SDCCAG8: variants seen among roughly 807,000 people sequenced by gnomAD.
SDCCAG8 encodes the protein SHH signaling and ciliogenesis regulator SDCCAG8.
Under a neutral mutation model 101.8 loss-of-function variants are expected in SDCCAG8, and 74 were observed. The ratio of observed to expected loss-of-function variants is 0.73; its 90% CI spans 0.60 to 0.88. The LOEUF is 0.88. Among genes scored for constraint, SDCCAG8 ranks in the 40% least tolerant of loss-of-function variants. The pLI, the probability that SDCCAG8 is intolerant of heterozygous loss-of-function variation, is 0.00. For missense variants in SDCCAG8, 787 were observed against 822.6 expected (o/e 0.96, Z 0.53); for synonymous variants, 281 against 292.9 (o/e 0.96, Z 0.41).
intron 15 of SDCCAG8, 127 bp downstream of exon 15, chr1:243,418,203 T>C: frequency 1.4e-6 from 1 of 696,518 alleles, no homozygotes; most frequent in Non-Finnish European, 2.5e-6. Context: ...GATGTTTTCT[T>C]TGAAAATATT....
At chr1:243,426,144 G>A (rs2081324777) in intron 15 of SDCCAG8, among the ~76,000 whole-genome samples, 1 of 152,154 alleles carries the variant, frequency 6.6e-6, no homozygotes, top group Admixed American at 6.6e-5. Context: ...TTAAATGAAT[G>A]ACAGTCTTTT....
At chr1:243,334,285 A>G (rs567908395) in intron 10 of SDCCAG8, among the ~76,000 whole-genome samples, 1 of 152,164 alleles carries the variant, frequency 6.6e-6, no homozygotes, top group East Asian at 1.9e-4. Context: ...ATCTTTCTCA[A>G]TATGTCAGTC....
intron 1 of SDCCAG8, among the ~76,000 whole-genome samples, chr1:243,262,387 T>G (rs7535162): frequency 0.29 from 43,685 of 151,842 alleles, 6,577 homozygotes; most frequent in South Asian, 0.52. Flanking sequence ...ATTACAGGCA[T>G]GAGCCATTGT....
Position 243,414,075 on chromosome 1 carries a change from C to T in SDCCAG8, c.1617-1627C>T, listed in dbSNP as rs563150930. Among the ~76,000 whole-genome samples, 626 of 152,198 alleles carry T rather than the reference C, an allele frequency of 4.1e-3. 1 individual carries two copies. The highest frequency in any genetic ancestry group is 0.013 in the African/African-American group (528 of 41,518). On this transcript the variant is annotated intron_variant, in intron 13 of 17. Transcript: ENST00000366541. ...GGTATAGAGAGATAAAGATGACAAACGAAGCAGACATGTTAAACAATAACT... is the reference window on the plus strand; with the variant it reads ...GGTATAGAGAGATAAAGATGACAAATGAAGCAGACATGTTAAACAATAACT...
At chr1:243,331,102 C>G (rs1037435957) in intron 10 of SDCCAG8, among the ~76,000 whole-genome samples, 48 of 152,294 alleles carry the variant, frequency 3.2e-4, no homozygotes, top group African/African-American at 1.2e-3. Flanking sequence ...AGATGAAACA[C>G]TTGTAAGGAA....
chr1:243,295,697 C>A (rs2070803599), intron 6 of SDCCAG8, among the ~76,000 whole-genome samples: 1 of 152,176 alleles, frequency 6.6e-6, no homozygotes, highest in East Asian at 1.9e-4. Context: ...TTACCCTCTA[C>A]CTATTGAAAT....
rs1164276785 is a variant in SDCCAG8 at position 243,474,972 on chromosome 1, G to A, written c.1986-14042G>A. 6.6e-6 allele frequency among the ~76,000 whole-genome samples: 1 copy of A among 152,192 alleles called. No homozygotes were observed. The highest frequency in any genetic ancestry group is 6.5e-5 in the Admixed American group (1 of 15,288). Reference sequence around the variant, plus strand: ...TCTCTAGGGATGACTTAGTAATAGGGTACCCCATTGCCATGTGGGTCAGGG... The same window carrying A: ...TCTCTAGGGATGACTTAGTAATAGGATACCCCATTGCCATGTGGGTCAGGG... On this transcript the variant is annotated intron_variant, in intron 16 of 17. Coordinates refer to ENST00000366541, the MANE Select transcript of SDCCAG8 (RefSeq NM_006642.5). The surrounding 1 kb of genome is among the most constrained non-coding windows in gnomAD (Gnocchi z 4.7).
chr1:243,358,500 A>C (rs912337360), intron 12 of SDCCAG8, among the ~76,000 whole-genome samples: 4 of 152,198 alleles, frequency 2.6e-5, no homozygotes, highest in African/African-American at 9.7e-5. Context: ...GAACTCCCCC[A>C]TAAGTTGCTG....
intron 16 of SDCCAG8, among the ~76,000 whole-genome samples, chr1:243,481,459 G>A (rs1271195543): frequency 6.6e-6 from 1 of 152,132 alleles, no homozygotes; most frequent in Non-Finnish European, 1.5e-5. Flanking sequence ...TTGTTATGAG[G>A]ATTAAATTAG....
chr1:243,469,707 C>G (rs1024490196), intron 16 of SDCCAG8, among the ~76,000 whole-genome samples: 1 of 152,006 alleles, frequency 6.6e-6, no homozygotes, highest in African/African-American at 2.4e-5. Context: ...TGGGCATATT[C>G]ATGAGGTAAT....
In SDCCAG8 at chr1:243,423,961, C is replaced by T. The variant is rs115121948; in HGVS notation, c.1854-2466C>T. Among the ~76,000 whole-genome samples the T allele has an allele frequency of 5.1e-3, 783 of 152,094 alleles. 5 individuals are homozygous for T. The highest frequency in any genetic ancestry group is 6.5e-3 in the Non-Finnish European group (443 of 67,914). ...AGGATGGATTTCACTGTTTGTTATA[C>T]GGTGGCATGCAGTAAATATTTGGTG... On this transcript the variant is annotated intron_variant, in intron 15 of 17. Transcript: ENST00000366541.
At chr1:243,330,428 G>T in intron 9 of SDCCAG8, 112 bp from the exon 10 acceptor site, 1 of 1,021,224 alleles carries the variant, frequency 9.8e-7, no homozygotes, top group Non-Finnish European at 1.5e-6. Context: ...ATTCTAATGG[G>T]CTTTATAGTG....
At chr1:243,427,026 G>T (rs192277926) in intron 16 of SDCCAG8, among the ~76,000 whole-genome samples, 1 of 152,304 alleles carries the variant, frequency 6.6e-6, no homozygotes, top group African/African-American at 2.4e-5. Flanking sequence ...CTTTCTGGTG[G>T]TGTTACTTTG....
At chr1:243,272,672 T>A (rs1442678911) in intron 3 of SDCCAG8, among the ~76,000 whole-genome samples, 1 of 152,178 alleles carries the variant, frequency 6.6e-6, no homozygotes, top group Non-Finnish European at 1.5e-5. Flanking sequence ...GTTTAGTACA[T>A]ACAGAGTGCA....
At chr1:243,366,641 G>A (rs1412241232) in intron 12 of SDCCAG8, among the ~76,000 whole-genome samples, 1 of 151,888 alleles carries the variant, frequency 6.6e-6, no homozygotes, top group African/African-American at 2.4e-5. Flanking sequence ...AATAATTTCT[G>A]TTATTTACTG....
chr1:243,313,242 G>A (rs908663613), intron 8 of SDCCAG8, among the ~76,000 whole-genome samples: 6 of 152,152 alleles, frequency 3.9e-5, no homozygotes, highest in East Asian at 1.9e-4. Flanking sequence ...TTTTAAAAAC[G>A]GTGTAGTAAC....
At position 243,456,124 on chromosome 1, in the gene SDCCAG8, C is replaced by T. The variant is rs562990649; in HGVS notation, c.1985+29566C>T. On this transcript the variant is annotated intron_variant, in intron 16 of 17. Coordinates refer to ENST00000366541, the MANE Select transcript of SDCCAG8 (RefSeq NM_006642.5). ...CTGGATCTTCCAACTCCTTATTCAT[C>T]GAATGAACCGGGAGCATGCAGAATT... Among the ~76,000 whole-genome samples, 5 of 152,120 alleles carry T rather than the reference C, an allele frequency of 3.3e-5. No individual in the cohort carries two copies. In the South Asian group the frequency reaches 1.0e-3, roughly 32 times the overall value.
Position 243,491,124 on chromosome 1 carries a change from C to T in SDCCAG8, c.2112+1984C>T, listed in dbSNP as rs1254647978. Among the ~76,000 whole-genome samples the T allele has an allele frequency of 5.9e-5, 9 of 152,234 alleles. No homozygotes were observed. In the South Asian group the frequency reaches 8.3e-4, roughly 14 times the overall value. On this transcript the variant is annotated intron_variant, in intron 17 of 17. Coordinates refer to ENST00000366541, the MANE Select transcript of SDCCAG8 (RefSeq NM_006642.5). ...TGGGCTCTGGACTAGATCAGGAGAA[C>T]GTGGGCTTTGCCTTTTAACTCCCCA...
intron 9 of SDCCAG8, among the ~76,000 whole-genome samples, 183 bp from the exon 10 acceptor site, chr1:243,330,353 CAATA>C (rs976104198): frequency 1.3e-5 from 2 of 151,884 alleles, no homozygotes; most frequent in African/African-American, 4.8e-5. Context: ...TGAAATATGT[CAATA>C]AATGTAACAT....
Sources: gnomAD v4.1 joint callset for allele counts (sites outside exome capture counted in the v4.1 genomes callset) on GRCh38, gnomAD v4.1.1 for gene constraint, Gnocchi (gnomAD v3.1) non-coding constraint, MANE v1.5 for transcripts, NCBI Gene and HGNC (gene_info 2026-07-23, HGNC 2026-07-21) for gene names.